B3GALNT2: variants seen among roughly 807,000 people sequenced by gnomAD.
The protein encoded by B3GALNT2 is beta-1,3-N-acetylgalactosaminyltransferase 2, also known as UDP-GalNAc:beta-1,3-N-acetylgalactosaminyltransferase 2.
Under a neutral mutation model 61.1 loss-of-function variants are expected in B3GALNT2, and 53 were observed. The observed-to-expected ratio is 0.87, with a 90% CI of 0.70 to 1.09. The LOEUF (loss-of-function observed/expected upper bound fraction) is 1.09, where lower values mean the gene tolerates loss of function less well. Among genes scored for constraint, B3GALNT2 ranks in the 50% least tolerant of loss-of-function variants. The probability of loss-of-function intolerance (pLI) is 0.00; values close to 1 mark genes in which losing one functional copy is unlikely to be tolerated. For missense variants in B3GALNT2, 544 were observed against 623.0 expected, an observed-to-expected ratio of 0.87 and a Z score of 1.35; for synonymous variants, 223 against 237.4, an observed-to-expected ratio of 0.94 and a Z score of 0.56.
chr1:235,464,702 C>G (rs2102801954), intron 7 of B3GALNT2: 1 of 152,272 alleles, frequency 6.6e-6, no homozygotes, highest in East Asian at 1.9e-4. Flanking sequence ...CTACAGTGAG[C>G]TGTGATCATG....
At chr1:235,500,376 G>C (rs1685531724) in intron 1 of B3GALNT2, among the ~76,000 whole-genome samples, 1 of 152,170 alleles carries the variant, frequency 6.6e-6, no homozygotes, top group Admixed American at 6.5e-5. Flanking sequence ...ACATGTAACA[G>C]AGGCTGAGGC....
intron 5 of B3GALNT2, among the ~76,000 whole-genome samples, chr1:235,473,313 G>A (rs992538341): frequency 1.3e-5 from 2 of 152,056 alleles, no homozygotes; most frequent in African/African-American, 4.8e-5. Context: ...GCAGTTTATC[G>A]CTCTGTATTC....
Position 235,449,971 on chromosome 1 carries a change from C to A in B3GALNT2, c.*235G>T. The A allele has an allele frequency of 2.7e-6, 1 of 365,568 alleles. No individual in the cohort carries two copies. Among genetic ancestry groups the A allele is most frequent in the Non-Finnish European group, 4.9e-6 (1 of 205,136 alleles). 22.6% of individuals were successfully genotyped at this position (365,568 alleles called of 1,614,324 possible). A position where few individuals can be genotyped will look rare whatever the true frequency, so the allele number is the denominator to read the frequency against. On this transcript the variant is annotated 3_prime_UTR_variant, in exon 12 of 12. Transcript: ENST00000366600. ...TTTTATAAAATAACTTGGTATTTTT[C>A]TGATAATCTTCCAATAGATAAATAA...
At chr1:235,451,821 T>C (rs1412458435) in intron 11 of B3GALNT2, 1 of 152,236 alleles carries the variant, frequency 6.6e-6, no homozygotes, top group African/African-American at 2.4e-5. Context: ...TCTCTGAAGC[T>C]AAAGCCAGCT....
At position 235,465,725 on chromosome 1, in the gene B3GALNT2, T is replaced by G. The variant is rs1300952049; in HGVS notation, c.763-11A>C. 6.2e-7 allele frequency: 1 copy of G among 1,612,702 alleles called. No individual in the cohort carries two copies. Among genetic ancestry groups the G allele is most frequent in the Non-Finnish European group, 8.5e-7 (1 of 1,179,638 alleles). On this transcript the variant is annotated splice_polypyrimidine_tract_variant and intron_variant, in intron 6 of 11. Coordinates refer to ENST00000366600, the MANE Select transcript of B3GALNT2 (RefSeq NM_152490.5). ...TGCACCCTCCCCAGCCTGAAAGGAATAAGAATGTACTCAGTGATTCATTAC... is the reference window on the plus strand; with the variant it reads ...TGCACCCTCCCCAGCCTGAAAGGAAGAAGAATGTACTCAGTGATTCATTAC...
In B3GALNT2 at chr1:235,504,120, CGCCCGGCCCCAGGACCTCACCTGCAG is replaced by C. The variant is rs1337950435; in HGVS notation, c.107_112+20del. 2 of 1,215,166 alleles carry C rather than the reference CGCCCGGCCCCAGGACCTCACCTGCAG, an allele frequency of 1.6e-6. No homozygotes were observed. Among genetic ancestry groups the C allele is most frequent in the Non-Finnish European group, 2.0e-6 (2 of 977,908 alleles). 75.3% of individuals were successfully genotyped at this position (1,215,166 alleles called of 1,614,324 possible). Reference sequence around the variant, plus strand: ...CCCACCCCCCCGGCGGCCGCCAACCCGCCCGGCCCCAGGACCTCACCTGCAGGGCCGGCCCCGGAGGCGCAGGCGGG... The same window carrying C: ...CCCACCCCCCCGGCGGCCGCCAACCCGGCCGGCCCCGGAGGCGCAGGCGGG... On this transcript the variant is annotated splice_donor_variant and splice_donor_5th_base_variant and coding_sequence_variant and intron_variant, in exon 1 of 12. Transcript: ENST00000366600. LOFTEE classifies it high-confidence loss of function.
chr1:235,485,055 A>G (rs1171526618), intron 3 of B3GALNT2, among the ~76,000 whole-genome samples: 2 of 152,244 alleles, frequency 1.3e-5, no homozygotes, highest in African/African-American at 4.8e-5. Context: ...CACTGATAAA[A>G]GATAAGCATA....
At position 235,494,770 on chromosome 1, in the gene B3GALNT2, C is replaced by A. The variant is rs1685236963; in HGVS notation, c.171G>T (p.Val57=). The A allele has an allele frequency of 6.2e-7, 1 of 1,611,592 alleles. No individual in the cohort carries two copies. Among genetic ancestry groups the A allele is most frequent in the Admixed American group, 1.7e-5 (1 of 59,982 alleles). Residue 57 remains valine, a synonymous_variant, in exon 2 of 12, where the codon GTG becomes GTT. Coordinates refer to ENST00000366600, the MANE Select transcript of B3GALNT2 (RefSeq NM_152490.5). ...GTTCATGGTTATTGCGAGCTGACAA[C>A]ACGCCAACTACCACATCATAGTGAG... ...KSTHYDVVVG[V]LSARNNHELR...
chr1:235,499,891 G>A (rs1685508118), intron 1 of B3GALNT2, among the ~76,000 whole-genome samples: 1 of 152,172 alleles, frequency 6.6e-6, no homozygotes, highest in Admixed American at 6.5e-5. Flanking sequence ...AAGAAGGTAA[G>A]TTAGGTAATT....
chr1:235,469,507 A>C (rs1683883091), intron 6 of B3GALNT2, among the ~76,000 whole-genome samples: 1 of 152,196 alleles, frequency 6.6e-6, no homozygotes, highest in Non-Finnish European at 1.5e-5. Flanking sequence ...GAAATCCCAG[A>C]GTTGCTTCAG....
chr1:235,474,995 T>A (rs1184254087), intron 5 of B3GALNT2, among the ~76,000 whole-genome samples: 43 of 87,098 alleles, frequency 4.9e-4, no homozygotes, highest in Non-Finnish European at 5.9e-4. Flanking sequence ...ATATTTTTTT[T>A]TTTTTTTTTT....
At chr1:235,502,413 C>A (rs1474831970) in intron 1 of B3GALNT2, among the ~76,000 whole-genome samples, 1 of 152,192 alleles carries the variant, frequency 6.6e-6, no homozygotes, top group Non-Finnish European at 1.5e-5. Context: ...ACGTCCTGCA[C>A]ACGTATCCCG....
At chr1:235,461,356 G>A (rs1440823962) in intron 7 of B3GALNT2, among the ~76,000 whole-genome samples, 2 of 152,132 alleles carry the variant, frequency 1.3e-5, no homozygotes, top group African/African-American at 4.8e-5. Flanking sequence ...TAAAGATTCA[G>A]TAGGTCTGGG....
At chr1:235,489,309 A>C (rs1684952131) in intron 2 of B3GALNT2, 41 bp from the exon 3 acceptor site, 1 of 1,608,620 alleles carries the variant, frequency 6.2e-7, no homozygotes, top group Non-Finnish European at 8.5e-7. Flanking sequence ...ACTGATCTTC[A>C]CCTCGCACAT....
intron 10 of B3GALNT2, 52 bp from the exon 11 acceptor site, chr1:235,453,198 T>C: frequency 6.5e-7 from 1 of 1,527,714 alleles, no homozygotes; most frequent in South Asian, 1.1e-5. Flanking sequence ...CTATTTTATT[T>C]GTAAAGACAA....
At chr1:235,482,384 AG>A (rs950649135) in intron 4 of B3GALNT2, among the ~76,000 whole-genome samples, 11 of 152,080 alleles carry the variant, frequency 7.2e-5, no homozygotes, top group East Asian at 1.9e-4. Flanking sequence ...AAAAGGCATT[AG>A]GGGGAACCTC....
At chr1:235,457,939 C>G (rs1683244531) in intron 8 of B3GALNT2, among the ~76,000 whole-genome samples, 1 of 149,878 alleles carries the variant, frequency 6.7e-6, no homozygotes, top group Non-Finnish European at 1.5e-5. Context: ...CGGAGTCTCA[C>G]TCTGCTGCCC....
At chr1:235,446,351 AT>A (rs559483374), downstream of B3GALNT2, among the ~76,000 whole-genome samples, 435 of 152,044 alleles carry the variant, frequency 2.9e-3, 4 homozygotes, top group Middle Eastern at 0.01. Context: ...TAATTTTTGT[AT>A]TTTTAGTAGA....
At chr1:235,474,707 G>C (rs1684155945) in intron 5 of B3GALNT2, among the ~76,000 whole-genome samples, 4 of 151,690 alleles carry the variant, frequency 2.6e-5, no homozygotes, top group Admixed American at 2.0e-4. Context: ...CGTAATCCCA[G>C]CTATTCAGGA....
Sources: allele counts gnomAD v4.1 joint callset (sites outside exome capture counted in the v4.1 genomes callset), GRCh38; gene constraint gnomAD v4.1.1; transcripts MANE v1.5; gene names NCBI Gene and HGNC (gene_info 2026-07-23, HGNC 2026-07-21).